The following PEX14 variants were observed in gnomAD, a reference collection of about 807,000 sequenced individuals.
PEX14 encodes the protein peroxisomal biogenesis factor 14.
A neutral mutation model predicts 49.5 loss-of-function variants in PEX14; 15 were observed. That is an observed-to-expected ratio of 0.30 (90% CI 0.20 to 0.47). The LOEUF (loss-of-function observed/expected upper bound fraction) is 0.47, where lower values mean the gene tolerates loss of function less well. Ranked by LOEUF, PEX14 falls within the 20% of genes least tolerant of loss-of-function variation. The probability of loss-of-function intolerance (pLI) is 1.00; values close to 1 mark genes in which losing one functional copy is unlikely to be tolerated. For missense variants in PEX14, 398 were observed against 494.8 expected, an observed-to-expected ratio of 0.80 and a Z score of 1.86; for synonymous variants, 210 against 212.7, an observed-to-expected ratio of 0.99 and a Z score of 0.11.
intron 2 of PEX14, among the ~76,000 whole-genome samples, chr1:10,525,639 T>C (rs531713466): frequency 2.3e-4 from 35 of 152,312 alleles, no homozygotes; most frequent in Non-Finnish European, 4.3e-4. Flanking sequence ...GATTTTTTTT[T>C]CTTCAAAATG....
chr1:10,596,475 G>GT (rs1378977757), intron 3 of PEX14, among the ~76,000 whole-genome samples: 1 of 152,128 alleles, frequency 6.6e-6, no homozygotes, highest in Non-Finnish European at 1.5e-5. Context: ...GAGTGGCGGG[G>GT]TAGGGAGAAG....
rs752293120 is a variant in PEX14, at chr1:10,629,939, G to C, written c.1086G>C (p.Glu362Asp). The C allele has an allele frequency of 6.2e-7, 1 of 1,612,566 alleles. No individual in the cohort carries two copies. The highest frequency in any genetic ancestry group is 1.7e-5 in the Admixed American group (1 of 59,942). ...ATGGGCAGATCAACGAGCAGGTGGAGAAGCTGCGGCGGCCCGAGGGCGCCA... is the reference window on the plus strand; with the variant it reads ...ATGGGCAGATCAACGAGCAGGTGGACAAGCTGCGGCGGCCCGAGGGCGCCA... ...GGDGQINEQV[E>D]KLRRPEGASN... The change falls in exon 9 of 9, where the codon GAG becomes GAC. Residue 362 changes from glutamate (E) to aspartate (D), a missense_variant. By Grantham distance (45) the Glu-to-Asp change is conservative (BLOSUM62 2). Transcript: ENST00000356607. The surrounding 1 kb of genome is among the most constrained non-coding windows in gnomAD (Gnocchi z 8.5).
intron 1 of PEX14, among the ~76,000 whole-genome samples, chr1:10,483,287 C>T (rs1378236279): frequency 1.3e-5 from 2 of 152,150 alleles, no homozygotes; most frequent in African/African-American, 2.4e-5. Context: ...TCCCAAAGTG[C>T]TAGGATTACA....
At chr1:10,536,109 G>A (rs977360126) in intron 2 of PEX14, 104 bp from the exon 3 acceptor site, 7 of 784,228 alleles carry the variant, frequency 8.9e-6, no homozygotes, top group Non-Finnish European at 1.6e-5. Context: ...GACCACAATA[G>A]TATGCTTGTC....
At chr1:10,609,580 T>C (rs1036739689) in intron 4 of PEX14, among the ~76,000 whole-genome samples, 3 of 152,192 alleles carry the variant, frequency 2.0e-5, no homozygotes, top group African/African-American at 7.2e-5. Context: ...TAGTTCCTTG[T>C]GCCTTTTCAA....
At chr1:10,601,439 C>G (rs948322062) in intron 4 of PEX14, among the ~76,000 whole-genome samples, 11 of 152,232 alleles carry the variant, frequency 7.2e-5, no homozygotes, top group Middle Eastern at 3.4e-3. Flanking sequence ...GGCAGTAGAG[C>G]CAAAAAGGCC....
chr1:10,623,000 C>G lies in PEX14; in HGVS notation c.385-19C>G. 6.4e-7 allele frequency: 1 copy of G among 1,564,666 alleles called. No individual in the cohort carries two copies. ...CCCCGGGTCCGTATGCATTCCTCAC[C>G]CTGTCCCGCTTCTTGCAGAAATACC... is the stretch of plus-strand genomic sequence containing the variant. On this transcript the variant is annotated intron_variant, in intron 5 of 8. Coordinates refer to ENST00000356607, the MANE Select transcript of PEX14 (RefSeq NM_004565.3).
chr1:10,518,862 A>G (rs565554247), intron 2 of PEX14, among the ~76,000 whole-genome samples: 1 of 152,176 alleles, frequency 6.6e-6, no homozygotes, highest in African/African-American at 2.4e-5. Context: ...CTTGATTTAC[A>G]GTGCTCAGCT....
intron 3 of PEX14, among the ~76,000 whole-genome samples, chr1:10,538,695 C>T (rs911426182): frequency 3.3e-5 from 5 of 152,234 alleles, no homozygotes; most frequent in African/African-American, 7.2e-5. Flanking sequence ...GCACCGTCTC[C>T]GATGGGGATG....
intron 3 of PEX14, among the ~76,000 whole-genome samples, chr1:10,577,541 T>TATAG (rs1640162263): frequency 3.2e-4 from 1 of 3,134 alleles, no homozygotes; most frequent in African/African-American, 5.8e-4. Flanking sequence ...TATATATATA[T>TATAG]ATATATATAT....
chr1:10,504,565 C>T (rs919715217), intron 2 of PEX14, among the ~76,000 whole-genome samples: 2 of 152,136 alleles, frequency 1.3e-5, no homozygotes, highest in African/African-American at 4.8e-5. Flanking sequence ...ATTCCCTTTA[C>T]CCAGCTGTGT....
chr1:10,508,809 C>T (rs1363812295), intron 2 of PEX14, among the ~76,000 whole-genome samples: 2 of 152,316 alleles, frequency 1.3e-5, no homozygotes, highest in East Asian at 1.9e-4. Flanking sequence ...AGCGGGTGAC[C>T]TAGGGCCACT....
Position 10,512,031 on chromosome 1 carries a change from C to G in PEX14, c.84+16710C>G, listed in dbSNP as rs928138066. ...CTGGAGTGCAGTGGCATAATCTTGG[C>G]TCACTGCACGCTCCGCCTCCCGGGT... is the stretch of plus-strand genomic sequence containing the variant. On this transcript the variant is annotated intron_variant, in intron 2 of 8. Coordinates refer to ENST00000356607, the MANE Select transcript of PEX14 (RefSeq NM_004565.3). The surrounding 1 kb of genome is among the most constrained non-coding windows in gnomAD (Gnocchi z 4.6). Among the ~76,000 whole-genome samples, 4 of 152,142 alleles carry G rather than the reference C, an allele frequency of 2.6e-5. No homozygotes were observed. Among genetic ancestry groups the G allele is most frequent in the Non-Finnish European group, 5.9e-5 (4 of 68,018 alleles).
intron 3 of PEX14, among the ~76,000 whole-genome samples, chr1:10,558,274 C>T (rs1416054132): frequency 6.6e-6 from 1 of 152,108 alleles, no homozygotes; most frequent in South Asian, 2.1e-4. Context: ...TCCCAAAGTG[C>T]TGCGATTACA....
intron 3 of PEX14, among the ~76,000 whole-genome samples, chr1:10,548,768 A>G (rs1275398482): frequency 1.3e-5 from 2 of 152,206 alleles, no homozygotes; most frequent in Non-Finnish European, 2.9e-5. Flanking sequence ...CTCAGTAAAC[A>G]GAGTGATGGG....
chr1:10,587,017 G>A (rs1350195282), intron 3 of PEX14, among the ~76,000 whole-genome samples: 1 of 152,116 alleles, frequency 6.6e-6, no homozygotes, highest in African/African-American at 2.4e-5. Context: ...GAGGAGACAA[G>A]GGATGTTGCT....
chr1:10,509,884 T>C lies in PEX14; in HGVS notation c.84+14563T>C, dbSNP rs60490198. On this transcript the variant is annotated intron_variant, in intron 2 of 8. Coordinates refer to ENST00000356607, the MANE Select transcript of PEX14 (RefSeq NM_004565.3). ...ATGGCTTTTCCTGCCGAAGCAGCTT[T>C]GTATAATACAATGTATTTTCGTGGC... Among the ~76,000 whole-genome samples, 1,112 of 152,352 alleles carry C rather than the reference T, an allele frequency of 7.3e-3. 15 individuals are homozygous for C. Among genetic ancestry groups the C allele is most frequent in the African/African-American group, 0.025 (1,047 of 41,568 alleles).
rs912313916 is a variant in PEX14 at position 10,567,505 on chromosome 1, AT to A, written c.169+31217del. On this transcript the variant is annotated intron_variant, in intron 3 of 8. Transcript: ENST00000356607. Reference sequence around the variant, plus strand: ...GCCCAGTAAAAAATGAAAAATAAAGATTTTTTTTTAGACAGTCTTGCTGTGT... The same window carrying A: ...GCCCAGTAAAAAATGAAAAATAAAGATTTTTTTTAGACAGTCTTGCTGTGT... Among the ~76,000 whole-genome samples, 6 of 151,808 alleles carry A rather than the reference AT, an allele frequency of 4.0e-5. No homozygotes were observed. The East Asian group carries it at 7.7e-4, about 20-fold the overall frequency.
chr1:10,499,073 T>C (rs1277598533), intron 2 of PEX14, among the ~76,000 whole-genome samples: 1 of 152,248 alleles, frequency 6.6e-6, no homozygotes, highest in Admixed American at 6.5e-5. Flanking sequence ...CACATGTGCA[T>C]GGGGTAATTC....
Sources: gnomAD v4.1 joint callset for allele counts (sites outside exome capture counted in the v4.1 genomes callset) on GRCh38, gnomAD v4.1.1 for gene constraint, Gnocchi (gnomAD v3.1) non-coding constraint, MANE v1.5 for transcripts, NCBI Gene and HGNC (gene_info 2026-07-23, HGNC 2026-07-21) for gene names.